Variants in VPS13C observed in about 807,000 individuals in gnomAD.
VPS13C encodes intermembrane lipid transfer protein VPS13C.
A neutral mutation model predicts 456.8 loss-of-function variants in VPS13C; 358 were observed. The observed-to-expected ratio is 0.78, with a 90% CI of 0.72 to 0.86. The LOEUF (loss-of-function observed/expected upper bound fraction) is 0.86, where lower values mean the gene tolerates loss of function less well. Among genes scored for constraint, VPS13C ranks in the 40% least tolerant of loss-of-function variants. The pLI is 0.00. For synonymous variants in VPS13C, 1,578 were observed against 1,486.7 expected (o/e 1.06, Z -1.41); for missense variants, 4,818 against 4,385.4 (o/e 1.10, Z -2.79).
chr15:61,923,068 G>A (rs968963389), intron 53 of VPS13C, among the ~76,000 whole-genome samples: 7 of 151,976 alleles, frequency 4.6e-5, no homozygotes, highest in Non-Finnish European at 1.0e-4. Context: ...GATCAATTCA[G>A]AGCAAAACAG....
chr15:61,909,259 G>A, intron 64 of VPS13C, 134 bp from the exon 65 acceptor site: 2 of 1,089,770 alleles, frequency 1.8e-6, no homozygotes, highest in East Asian at 2.6e-5. Context: ...CCAGGCTGGA[G>A]TACAGTGGCG....
intron 77 of VPS13C, 150 bp downstream of exon 77, chr15:61,874,726 T>C: frequency 1.6e-6 from 1 of 624,776 alleles, no homozygotes; most frequent in Non-Finnish European, 2.4e-6. Flanking sequence ...TTATTTTTCA[T>C]TTAAAAACAT....
intron 63 of VPS13C, among the ~76,000 whole-genome samples, chr15:61,911,249 C>T (rs1385443524): frequency 6.6e-6 from 1 of 152,168 alleles, no homozygotes; most frequent in Non-Finnish European, 1.5e-5. Flanking sequence ...TCTTACTGAG[C>T]ATGAACAGCT....
intron 42 of VPS13C, among the ~76,000 whole-genome samples, chr15:61,947,952 A>T (rs935836570): frequency 2.0e-5 from 3 of 152,188 alleles, no homozygotes; most frequent in Non-Finnish European, 4.4e-5. Flanking sequence ...CCCTAAATCC[A>T]CTTTAGTCCA....
intron 15 of VPS13C, among the ~76,000 whole-genome samples, chr15:62,003,493 T>G (rs901014092): frequency 1.3e-5 from 2 of 152,152 alleles, no homozygotes; most frequent in Admixed American, 1.3e-4. Flanking sequence ...CCTCTTTTCC[T>G]AATTGAATAC....
chr15:61,971,035 T>C (rs889376290), intron 27 of VPS13C, among the ~76,000 whole-genome samples: 2 of 152,066 alleles, frequency 1.3e-5, no homozygotes, highest in Non-Finnish European at 2.9e-5. Flanking sequence ...AAATAATGTC[T>C]GGTAATAATG....
chr15:61,929,374 A>T, intron 51 of VPS13C, 127 bp downstream of exon 51: 1 of 1,276,132 alleles, frequency 7.8e-7, no homozygotes, highest in Non-Finnish European at 1.0e-6. Context: ...TAAAGTTTTT[A>T]TATAGAATAT....
rs372706051 is a variant in VPS13C, at chr15:61,874,835, A to G, written c.10414+41T>C. 2.0e-6 allele frequency: 3 copies of G among 1,486,936 alleles called. No individual in the cohort carries two copies. The African/African-American group carries it at 4.3e-5, about 21-fold the overall frequency. The allele number at this position is 1,486,936 out of a possible 1,614,324, so 92.1% of individuals were successfully genotyped here. ...ATAACAACGTATTTCATAACAATAT[A>G]ATAAAAAATATACACATATACACAA... On this transcript the variant is annotated intron_variant, in intron 77 of 84. Coordinates refer to ENST00000644861, the MANE Select transcript of VPS13C (RefSeq NM_020821.3).
chr15:61,927,079 G>T lies in VPS13C; in HGVS notation c.6516+12C>A, dbSNP rs2043874450. On this transcript the variant is annotated intron_variant, in intron 52 of 84. Coordinates refer to ENST00000644861, the MANE Select transcript of VPS13C (RefSeq NM_020821.3). ...TCTTCAACCCAAGATTAGGACACAA[G>T]GTAATTCTTACTGTGGTAATGTTTT... is the stretch of plus-strand genomic sequence containing the variant. 1.2e-6 allele frequency: 2 copies of T among 1,610,948 alleles called. No homozygotes were observed. Among genetic ancestry groups the T allele is most frequent in the Non-Finnish European group, 1.7e-6 (2 of 1,177,466 alleles).
chr15:61,892,714 A>T (rs978760582), intron 66 of VPS13C, among the ~76,000 whole-genome samples: 11 of 152,358 alleles, frequency 7.2e-5, no homozygotes, highest in Middle Eastern at 3.4e-3. Flanking sequence ...AATTCAAAGG[A>T]GCAATTCTAG....
At chr15:62,004,333 G>C (rs1010924728) in intron 15 of VPS13C, among the ~76,000 whole-genome samples, 3 of 151,868 alleles carry the variant, frequency 2.0e-5, no homozygotes, top group Non-Finnish European at 4.4e-5. Context: ...ATTCTCTGAT[G>C]GTAGTTTGTA....
rs140168461 is a variant in VPS13C, at chr15:61,974,004, T to C, written c.2538+284A>G. On this transcript the variant is annotated intron_variant, in intron 25 of 84. Coordinates refer to ENST00000644861, the MANE Select transcript of VPS13C (RefSeq NM_020821.3). ...TTTCAAAGTAGATATCCAAAATTTCTACTGTGTAAAGATCAATTTCAATTA... is the reference window on the plus strand; with the variant it reads ...TTTCAAAGTAGATATCCAAAATTTCCACTGTGTAAAGATCAATTTCAATTA... Among the ~76,000 whole-genome samples, 820 of 152,252 alleles carry C rather than the reference T, an allele frequency of 5.4e-3. 9 individuals are homozygous for C. The highest frequency in any genetic ancestry group is 0.019 in the African/African-American group (774 of 41,562).
At chr15:61,906,274 C>T (rs564863517) in intron 66 of VPS13C, among the ~76,000 whole-genome samples, 3 of 152,278 alleles carry the variant, frequency 2.0e-5, no homozygotes, top group Non-Finnish European at 2.9e-5. Context: ...ATTTTCAATA[C>T]GTGGCAGACT....
intron 4 of VPS13C, among the ~76,000 whole-genome samples, chr15:62,034,129 G>A (rs1205485217): frequency 6.6e-6 from 1 of 151,508 alleles, no homozygotes; most frequent in African/African-American, 2.4e-5. Context: ...AGTATTTATA[G>A]TATTGACTAT....
intron 82 of VPS13C, among the ~76,000 whole-genome samples, chr15:61,857,118 G>GAAAATTTA (rs1164730060): frequency 2.6e-5 from 4 of 152,072 alleles, no homozygotes; most frequent in Non-Finnish European, 4.4e-5. Flanking sequence ...ATTACAGAAA[G>GAAAATTTA]CAAAATTACA....
intron 5 of VPS13C, among the ~76,000 whole-genome samples, chr15:62,029,153 A>C (rs2047731348): frequency 6.6e-6 from 1 of 152,086 alleles, no homozygotes; most frequent in African/African-American, 2.4e-5. Context: ...TGTGACCTAG[A>C]ACAAATTATT....
intron 19 of VPS13C, 44 bp from the exon 20 acceptor site, chr15:61,984,056 T>C (rs1449599323): frequency 1.3e-6 from 2 of 1,559,096 alleles, no homozygotes; most frequent in South Asian, 2.3e-5. Context: ...ACAAGGTCTT[T>C]TGTAATCTAA....
chr15:61,982,621 C>A, intron 20 of VPS13C, 48 bp from the exon 21 acceptor site: 2 of 1,361,374 alleles, frequency 1.5e-6, no homozygotes, highest in Non-Finnish European at 2.0e-6. Context: ...TGGTTCTTTC[C>A]ATATTGTAAA....
At chr15:61,999,062 T>C (rs1357441510) in intron 16 of VPS13C, among the ~76,000 whole-genome samples, 1 of 152,146 alleles carries the variant, frequency 6.6e-6, no homozygotes, top group East Asian at 1.9e-4. Flanking sequence ...AGGCTATCAG[T>C]AGTTAAGTTT....
Sources: gnomAD v4.1 joint callset for allele counts (sites outside exome capture counted in the v4.1 genomes callset) on GRCh38, gnomAD v4.1.1 for gene constraint, MANE v1.5 for transcripts, NCBI Gene and HGNC (gene_info 2026-07-23, HGNC 2026-07-21) for gene names.